The following CCDC93 variants were observed in gnomAD, a reference collection of about 807,000 sequenced individuals.
CCDC93 encodes CCC complex scaffolding subunit CCDC93, also known as coiled-coil domain-containing protein 93.
In CCDC93, 61 loss-of-function variants were observed where a neutral mutation model predicts 108.2. The observed-to-expected ratio is 0.56, with a 90% CI of 0.46 to 0.70. The LOEUF (loss-of-function observed/expected upper bound fraction) is 0.70, where lower values mean the gene tolerates loss of function less well. Among genes scored for constraint, CCDC93 ranks in the 30% least tolerant of loss-of-function variants. The pLI is 0.00. For synonymous variants in CCDC93, 276 were observed against 260.4 expected, an observed-to-expected ratio of 1.06 and a Z score of -0.58; for missense variants, 685 against 764.2, an observed-to-expected ratio of 0.90 and a Z score of 1.22.
At position 117,917,701 on chromosome 2, in the gene CCDC93, A is replaced by G. The variant is rs1677729600; in HGVS notation, c.*2642T>C. 1 of 152,286 alleles carries G rather than the reference A, an allele frequency of 6.6e-6. No homozygotes were observed. The highest frequency in any genetic ancestry group is 6.5e-5 in the Admixed American group (1 of 15,290). The allele number at this position is 152,286 out of a possible 1,614,324, so 9.4% of individuals were successfully genotyped here. A position where few individuals can be genotyped will look rare whatever the true frequency, so the allele number is the denominator to read the frequency against. Reference sequence around the variant, plus strand: ...CAGAGACGGAGCACAGGTCAAAGACATCAACAAATGTCCTAGCATCTCCCC... The same window carrying G: ...CAGAGACGGAGCACAGGTCAAAGACGTCAACAAATGTCCTAGCATCTCCCC... On this transcript the variant is annotated 3_prime_UTR_variant, in exon 24 of 24. Coordinates refer to ENST00000376300, the MANE Select transcript of CCDC93 (RefSeq NM_019044.5).
intron 13 of CCDC93, chr2:117,950,376 T>A: frequency 1.0e-6 from 1 of 985,406 alleles, no homozygotes; most frequent in Non-Finnish European, 1.2e-6. Flanking sequence ...ACAATCAGCC[T>A]CACACACACG....
chr2:117,975,402 T>C (rs1001370175), intron 8 of CCDC93, 122 bp from the exon 9 acceptor site: 2 of 687,836 alleles, frequency 2.9e-6, no homozygotes, highest in Non-Finnish European at 5.1e-6. Flanking sequence ...AGCAGCATCC[T>C]GAGAGAGTGG....
Position 118,006,711 on chromosome 2 carries a change from GA to G in CCDC93, c.251+10del. On this transcript the variant is annotated intron_variant, in intron 3 of 23. Coordinates refer to ENST00000376300, the MANE Select transcript of CCDC93 (RefSeq NM_019044.5). ...TCTCCCCACCTTTAGGTTTTCCATA[GA>G]AAAACTTACATTTTTTGACCTATCG... 2.4e-5 allele frequency: 38 copies of G among 1,560,450 alleles called. No individual in the cohort carries two copies. The highest frequency in any genetic ancestry group is 3.3e-5 in the Non-Finnish European group (37 of 1,131,304).
chr2:117,937,413 T>G (rs1678558846), intron 20 of CCDC93, among the ~76,000 whole-genome samples: 1 of 152,200 alleles, frequency 6.6e-6, no homozygotes, highest in Non-Finnish European at 1.5e-5. Flanking sequence ...TTACCATATG[T>G]GAACTTTAGG....
At chr2:118,009,042 C>T (rs1676953812) in intron 1 of CCDC93, 2 of 162,744 alleles carry the variant, frequency 1.2e-5, no homozygotes, top group African/African-American at 2.4e-5. Flanking sequence ...CAAACAGGAA[C>T]AAGGTTTTAT....
intron 21 of CCDC93, chr2:117,935,808 T>C (rs2104721460): frequency 2.6e-6 from 1 of 381,158 alleles, no homozygotes; most frequent in East Asian, 3.9e-5. Context: ...GTTAATCTTT[T>C]TTGTCATACT....
chr2:118,013,551 G>A (rs1208475177), intron 1 of CCDC93, among the ~76,000 whole-genome samples: 3 of 152,258 alleles, frequency 2.0e-5, no homozygotes, highest in African/African-American at 7.2e-5. Context: ...CCGCCTCGGA[G>A]AGCGGTCTCG....
chr2:118,001,593 T>C (rs1676689039), intron 3 of CCDC93, among the ~76,000 whole-genome samples: 1 of 152,214 alleles, frequency 6.6e-6, no homozygotes, highest in Non-Finnish European at 1.5e-5. Flanking sequence ...CCGACCTTTC[T>C]CTAACACCTC....
intron 14 of CCDC93, 57 bp from the exon 15 acceptor site, chr2:117,948,243 G>A (rs1470960488): frequency 6.3e-6 from 8 of 1,262,006 alleles, no homozygotes; most frequent in African/African-American, 3.0e-5. Context: ...TTTATGAATC[G>A]CAGCTAAAAG....
At chr2:117,959,984 C>CA (rs1679336053) in intron 11 of CCDC93, among the ~76,000 whole-genome samples, 1 of 152,188 alleles carries the variant, frequency 6.6e-6, no homozygotes, top group Non-Finnish European at 1.5e-5. Context: ...AAATCACTTA[C>CA]AAAAACAGAA....
At chr2:118,013,605 C>A (rs1677078601) in intron 1 of CCDC93, among the ~76,000 whole-genome samples, 1 of 152,204 alleles carries the variant, frequency 6.6e-6, no homozygotes, top group Non-Finnish European at 1.5e-5. Flanking sequence ...GCTAGCCCTG[C>A]GGCGCGGGGT....
chr2:117,984,773 G>A (rs1680262538), intron 7 of CCDC93, among the ~76,000 whole-genome samples: 1 of 152,120 alleles, frequency 6.6e-6, no homozygotes, highest in African/African-American at 2.4e-5. Flanking sequence ...TCCCAGAGCT[G>A]TGCAGCCTCA....
At chr2:118,009,305 A>G (rs1676961280) in intron 1 of CCDC93, among the ~76,000 whole-genome samples, 1 of 152,058 alleles carries the variant, frequency 6.6e-6, no homozygotes, top group Admixed American at 6.5e-5. Flanking sequence ...CAGGAGACAG[A>G]AGTTGCAGTG....
intron 23 of CCDC93, among the ~76,000 whole-genome samples, chr2:117,928,837 A>G (rs903971053): frequency 3.3e-5 from 5 of 152,238 alleles, no homozygotes; most frequent in South Asian, 2.1e-4. Flanking sequence ...ACTATTCCCA[A>G]TAGCAAATAC....
Position 117,945,540 on chromosome 2 carries a change from T to C in CCDC93, c.1339A>G (p.Met447Val), listed in dbSNP as rs1678844198. 6.2e-7 allele frequency: 1 copy of C among 1,613,896 alleles called. No homozygotes were observed. Among genetic ancestry groups the C allele is most frequent in the Non-Finnish European group, 8.5e-7 (1 of 1,179,864 alleles). The stretch of plus-strand genomic sequence containing the variant: ...AGGCAGGTACTTACGTCATGAGTCA[T>C]TGCAGAGGTCAAGGTACCAGGCGGC... Reference protein sequence around the residue: ...GEPPGTLTSAMTHDEDLDRRY... With the variant: ...GEPPGTLTSAVTHDEDLDRRY... The change falls in exon 17 of 24, where the codon ATG becomes GTG. Residue 447 changes from methionine to valine, a missense_variant. Met to Val is a conservative substitution (Grantham distance 21). Coordinates refer to ENST00000376300, the MANE Select transcript of CCDC93 (RefSeq NM_019044.5).
intron 11 of CCDC93, among the ~76,000 whole-genome samples, chr2:117,960,558 T>C (rs1023246582): frequency 6.6e-6 from 1 of 152,238 alleles, no homozygotes; most frequent in Non-Finnish European, 1.5e-5. Context: ...TTCCATGCTC[T>C]CGTATTAGTG....
In CCDC93 at chr2:117,964,289, G is replaced by A. The variant is rs117505608; in HGVS notation, c.889-5808C>T. ...CTAGCCAGACAAAACCAGCTAATTC[G>A]TAAGTAAAGGTGTTGCATCCTCTGC... On this transcript the variant is annotated intron_variant, in intron 11 of 23. Coordinates refer to ENST00000376300, the MANE Select transcript of CCDC93 (RefSeq NM_019044.5). Among the ~76,000 whole-genome samples, 52 of 152,244 alleles carry A rather than the reference G, an allele frequency of 3.4e-4. 1 individual carries two copies. In the East Asian group the frequency reaches 7.5e-3, roughly 22 times the overall value.
At chr2:118,006,851 T>C (rs41279764) in intron 2 of CCDC93, 35 bp from the exon 3 acceptor site, 95,722 of 1,378,032 alleles carry the variant, frequency 0.069, 3,792 homozygotes, top group Non-Finnish European at 0.079. Context: ...GTTTTCTCTT[T>C]TTAGTTTGGG....
rs377633119 is a variant in CCDC93, at chr2:117,944,161, A to C, written c.1351-75T>G. 1.4e-3 allele frequency: 1,522 copies of C among 1,062,516 alleles called. 36 individuals are homozygous for C. The South Asian group carries it at 0.022, about 15-fold the overall frequency. The allele number at this position is 1,062,516 out of a possible 1,614,324, so 65.8% of individuals were successfully genotyped here. A position where few individuals can be genotyped will look rare whatever the true frequency, so the allele number is the denominator to read the frequency against. Reference sequence around the variant, plus strand: ...CTTTAATGGAGTCTTTGAAAGTTGAATATGTTTTTATCATATCTCCCCCAT... The same window carrying C: ...CTTTAATGGAGTCTTTGAAAGTTGACTATGTTTTTATCATATCTCCCCCAT... On this transcript the variant is annotated intron_variant, in intron 17 of 23. Transcript: ENST00000376300.
Sources: gnomAD v4.1 joint callset for allele counts (sites outside exome capture counted in the v4.1 genomes callset) on GRCh38, gnomAD v4.1.1 for gene constraint, MANE v1.5 for transcripts, NCBI Gene and HGNC (gene_info 2026-07-23, HGNC 2026-07-21) for gene names.